Variants in FBXL16 observed in about 807,000 individuals in gnomAD.
The protein encoded by FBXL16 is F-box/LRR-repeat protein 16.
FBXL16 carries 7 observed loss-of-function variants against 36.7 expected under a neutral mutation model. The observed-to-expected ratio is 0.19, with a 90% CI of 0.11 to 0.36. The LOEUF (loss-of-function observed/expected upper bound fraction) is 0.36. FBXL16 is among the 10% of genes least tolerant of loss of function. The pLI, the probability that FBXL16 is intolerant of heterozygous loss-of-function variation, is 1.00. For missense variants in FBXL16, 463 were observed against 659.4 expected (o/e 0.70, Z 3.26); for synonymous variants, 355 against 308.7 (o/e 1.15, Z -1.57).
rs1271170061 is a variant in FBXL16 at position 697,388 on chromosome 16, G to A, written c.18C>T (p.Ile6=). ...AGCATGGAGGCTTGGGGTCGCCGTC[G>A]ATGCCCGGGCTCGACATCTTCCTGG... MSSPG[I]DGDPKPPCLP... is the part of the protein sequence containing the mutation. The change falls in exon 2 of 6, where the codon ATC becomes ATT. Residue 6 remains isoleucine, a synonymous_variant. Transcript: ENST00000397621. The surrounding 1 kb of genome is among the most constrained non-coding windows in gnomAD (Gnocchi z 4.6). The A allele has an allele frequency of 1.5e-5, 23 of 1,535,526 alleles. No homozygotes were observed. Among genetic ancestry groups the A allele is most frequent in the African/African-American group, 6.8e-5 (5 of 73,004 alleles).
chr16:697,484 C>T lies in FBXL16; in HGVS notation c.-14-65G>A, dbSNP rs944630447. 6.0e-5 allele frequency: 87 copies of T among 1,461,538 alleles called. No homozygotes were observed. In the Admixed American group the frequency reaches 1.2e-3, roughly 21 times the overall value. The allele number at this position is 1,461,538 out of a possible 1,614,324, so 90.5% of individuals were successfully genotyped here. On this transcript the variant is annotated intron_variant, in intron 1 of 5. Coordinates refer to ENST00000397621, the MANE Select transcript of FBXL16 (RefSeq NM_153350.4). The surrounding 1 kb of genome is among the most constrained non-coding windows in gnomAD (Gnocchi z 4.6). ...GAGTCTGGAAGGCCGGGGTTGGGGG[C>T]GGGTGCAGTGGGGCTCCTTCCCTCC...
At position 694,428 on chromosome 16, in the gene FBXL16, G is replaced by C; in HGVS notation, c.1292-5C>G. The C allele has an allele frequency of 6.5e-7, 1 of 1,541,686 alleles. No individual in the cohort carries two copies. The highest frequency in any genetic ancestry group is 8.7e-7 in the Non-Finnish European group (1 of 1,152,524). Reference sequence around the variant, plus strand: ...TGGTGGTGAGCAGCGGGCAGCCTGCGGCGGGGTCAGAGGGCGGCTCAGTGC... The same window carrying C: ...TGGTGGTGAGCAGCGGGCAGCCTGCCGCGGGGTCAGAGGGCGGCTCAGTGC... On this transcript the variant is annotated splice_region_variant and splice_polypyrimidine_tract_variant and intron_variant, in intron 5 of 5. Coordinates refer to ENST00000397621, the MANE Select transcript of FBXL16 (RefSeq NM_153350.4).
intron 1 of FBXL16, among the ~76,000 whole-genome samples, chr16:698,913 C>CA (rs767619638): frequency 0.05 from 4,481 of 89,296 alleles, 153 homozygotes; most frequent in Non-Finnish European, 0.079. Context: ...GACTTTGTCT[C>CA]AAAAAAAAAA....
intron 1 of FBXL16, among the ~76,000 whole-genome samples, chr16:702,213 C>G (rs992951983): frequency 1.3e-5 from 2 of 152,176 alleles, no homozygotes; most frequent in Admixed American, 6.5e-5. Context: ...CCTGATGCCA[C>G]AGCCCAGCCA....
At chr16:694,886 T>C (rs2039998739) in intron 4 of FBXL16, 106 bp downstream of exon 4, 4 of 1,314,102 alleles carry the variant, frequency 3.0e-6, no homozygotes, top group South Asian at 3.0e-5. Flanking sequence ...GGCTGCTGGA[T>C]AGGGAGGGGC....
At chr16:694,862 G>A in intron 4 of FBXL16, 130 bp downstream of exon 4, 1 of 1,253,942 alleles carries the variant, frequency 8.0e-7, no homozygotes. Context: ...GGACCCCTGC[G>A]TTCCGCTTAG....
Position 696,225 on chromosome 16 carries a change from G to GTATTTATTTATTTATT in FBXL16, c.634-318_634-303dup, listed in dbSNP as rs766142167. Among the ~76,000 whole-genome samples, 269 of 150,632 alleles carry GTATTTATTTATTTATT rather than the reference G, an allele frequency of 1.8e-3. 1 individual carries two copies. The highest frequency in any genetic ancestry group is 5.9e-3 in the African/African-American group (239 of 40,696). On this transcript the variant is annotated intron_variant, in intron 2 of 5. Transcript: ENST00000397621. ...CTCGCATCCTCCCCACACTGCATTTGTATTTATTTATTTATTTATTTATTC... is the reference window on the plus strand; with the variant it reads ...CTCGCATCCTCCCCACACTGCATTTGTATTTATTTATTTATTTATTTATTTATTTATTTATTTATTC...
chr16:694,446 C>G (rs770888038), intron 5 of FBXL16, 23 bp from the exon 6 acceptor site: 6 of 1,533,520 alleles, frequency 3.9e-6, no homozygotes, highest in Non-Finnish European at 3.5e-6. Flanking sequence ...CAGAGGGCGG[C>G]TCAGTGCGCG....
chr16:694,772 G>T, intron 4 of FBXL16, 75 bp from the exon 5 acceptor site: 1 of 1,481,908 alleles, frequency 6.7e-7, no homozygotes, highest in Non-Finnish European at 9.2e-7. Flanking sequence ...TCCATGGAGG[G>T]CTAGGCGGGT....
rs2040006070 is a variant in FBXL16 at position 695,684 on chromosome 16, G to A, written c.873C>T (p.Arg291=). 1 of 1,605,808 alleles carries A rather than the reference G, an allele frequency of 6.2e-7. No homozygotes were observed. The highest frequency in any genetic ancestry group is 8.5e-7 in the Non-Finnish European group (1 of 1,179,554). Residue 291 remains arginine, a synonymous_variant, in exon 3 of 6, where the codon CGC becomes CGT. Coordinates refer to ENST00000397621, the MANE Select transcript of FBXL16 (RefSeq NM_153350.4). ...TDTALAYFTA[R]QGHSTHTLRL... is the part of the protein sequence containing the mutation. ...GCAGCGTGTGCGTGCTGTGGCCCTG[G>A]CGCGCCGTGAAGTAGGCCAGCGCCG...
intron 2 of FBXL16, among the ~76,000 whole-genome samples, 155 bp downstream of exon 2, chr16:696,618 T>C (rs2040013067): frequency 1.0e-5 from 1 of 99,940 alleles, no homozygotes; most frequent in Non-Finnish European, 2.1e-5. Context: ...TGAGTGTCTT[T>C]GAACAAGGGA....
At position 694,340 on chromosome 16, in the gene FBXL16, C is replaced by T. The variant is rs2039993886; in HGVS notation, c.1375G>A (p.Gly459Arg). 6.6e-7 allele frequency: 1 copy of T among 1,519,854 alleles called. No homozygotes were observed. Among genetic ancestry groups the T allele is most frequent in the Non-Finnish European group, 8.8e-7 (1 of 1,140,548 alleles). The allele number at this position is 1,519,854 out of a possible 1,614,324, so 94.1% of individuals were successfully genotyped here. A position where few individuals can be genotyped will look rare whatever the true frequency, so the allele number is the denominator to read the frequency against. ...TACTTGAAGAGCTCGGGGGTGGCCCCGGGGCAGTTGGTCAGCTCCAGCTCC... is the reference window on the plus strand; with the variant it reads ...TACTTGAAGAGCTCGGGGGTGGCCCTGGGGCAGTTGGTCAGCTCCAGCTCC... ...LEELELTNCP[G>R]ATPELFKYFS... Residue 459 changes from glycine (G) to arginine (R), a missense_variant, in exon 6 of 6, where the codon GGG becomes AGG. Physicochemically the swap from Gly to Arg is moderately radical, Grantham distance 125. This residue lies in a region of FBXL16 where 134 missense variants were observed against 172.0 expected (regional missense o/e 0.78). Transcript: ENST00000397621.
rs1286132573 is a variant in FBXL16, at chr16:696,865, T to C, written c.541A>G (p.Ile181Val). 1.2e-6 allele frequency: 2 copies of C among 1,605,172 alleles called. No homozygotes were observed. The highest frequency in any genetic ancestry group is 1.7e-6 in the Non-Finnish European group (2 of 1,177,730). Residue 181 changes from isoleucine to valine, a missense_variant, in exon 2 of 6, where the codon ATC becomes GTC. Physicochemically the swap from Ile to Val is conservative, Grantham distance 29 (BLOSUM62 3). Around this residue, in one of 3 missense-constraint regions of FBXL16, gnomAD observed 263 missense variants for 341.1 expected, o/e 0.77. Coordinates refer to ENST00000397621, the MANE Select transcript of FBXL16 (RefSeq NM_153350.4). ...FCLVGVSDLD[I>V]CEFIDNYALS... Reference sequence around the variant, plus strand: ...GCATAGTTGTCAATGAACTCACAGATGTCCAGGTCGGAGACGCCAACCAGG... The same window carrying C: ...GCATAGTTGTCAATGAACTCACAGACGTCCAGGTCGGAGACGCCAACCAGG...
chr16:695,973 C>T (rs1242594843), intron 2 of FBXL16, 50 bp from the exon 3 acceptor site: 1 of 1,534,368 alleles, frequency 6.5e-7, no homozygotes. Context: ...GGGGTGGAGC[C>T]CGCAGGGAGG....
At chr16:704,230 G>C (rs4984685) in intron 1 of FBXL16, among the ~76,000 whole-genome samples, 12 of 152,042 alleles carry the variant, frequency 7.9e-5, no homozygotes, top group Non-Finnish European at 1.8e-4. Flanking sequence ...CAAGGGCCCC[G>C]TGCCTCCCAC....
At position 697,225 on chromosome 16, in the gene FBXL16, C is replaced by G; in HGVS notation, c.181G>C (p.Ala61Pro). The G allele has an allele frequency of 9.5e-7, 1 of 1,051,132 alleles. No individual in the cohort carries two copies. The highest frequency in any genetic ancestry group is 1.2e-6 in the Non-Finnish European group (1 of 862,340). The allele number at this position is 1,051,132 out of a possible 1,614,324, so 65.1% of individuals were successfully genotyped here. A position where few individuals can be genotyped will look rare whatever the true frequency, so the allele number is the denominator to read the frequency against. Residue 61 changes from alanine to proline, a missense_variant, in exon 2 of 6, where the codon GCT (alanine) becomes CCT (proline). Ala to Pro is a conservative substitution (Grantham distance 27). This residue lies in a region of FBXL16 where 263 missense variants were observed against 341.1 expected (regional missense o/e 0.77). Transcript: ENST00000397621. This position sits in a 1 kb window ranked among gnomAD's most constrained non-coding sequence, Gnocchi z 4.6. ...AGGGCAGCCCGGGACAGTGGAGCAG[C>G]CAGGCTGGGTGGTGGGAGGGTGGGT... ...PPPTLPPPSL[A>P]APLSRAALAG... is the part of the protein sequence containing the mutation.
At chr16:695,319 A>T in intron 3 of FBXL16, 96 bp downstream of exon 3, 21 of 965,806 alleles carry the variant, frequency 2.2e-5, no homozygotes, top group South Asian at 2.6e-5. Flanking sequence ...GCCCCGCCGG[A>T]AGCCCCCGCC....
chr16:694,907 C>T, intron 4 of FBXL16, 85 bp downstream of exon 4: 3 of 1,404,784 alleles, frequency 2.1e-6, no homozygotes, highest in East Asian at 2.5e-5. Flanking sequence ...CCCAGACTCT[C>T]CCAGGATCTG....
intron 3 of FBXL16, 150 bp from the exon 4 acceptor site, chr16:695,226 G>A (rs1310445232): frequency 6.9e-6 from 8 of 1,155,500 alleles, no homozygotes; most frequent in African/African-American, 4.8e-5. Context: ...CGGGAAGGAC[G>A]GGGGTCCAGC....
Sources: allele counts gnomAD v4.1 joint callset (sites outside exome capture counted in the v4.1 genomes callset), GRCh38; gene constraint gnomAD v4.1.1; regional missense constraint gnomAD v4.1.1; non-coding constraint Gnocchi (gnomAD v3.1); transcripts MANE v1.5; gene names NCBI Gene and HGNC (gene_info 2026-07-23, HGNC 2026-07-21).